The following LEMD1 variants were observed in gnomAD, a reference collection of about 807,000 sequenced individuals.
LEMD1 encodes LEM domain containing 1.
A neutral mutation model predicts 17.4 loss-of-function variants in LEMD1; 18 were observed. That is an observed-to-expected ratio of 1.04 (90% CI 0.72 to 1.54). The LOEUF is 1.54. Among genes scored for constraint, LEMD1 ranks in the 40% most tolerant of loss-of-function variants. LEMD1 has a pLI of 0.00. For synonymous variants in LEMD1, 88 were observed against 77.8 expected (o/e 1.13, Z -0.69); for missense variants, 195 against 210.4 (o/e 0.93, Z 0.45).
chr1:205,381,392 G>T lies in LEMD1; in HGVS notation c.*266C>A, dbSNP rs990162655. ...ACGCCAGACAGTTTCCTTGTTTGACGCCTGCTCAAATATGGAAGCACCTTT... is the reference window on the plus strand; with the variant it reads ...ACGCCAGACAGTTTCCTTGTTTGACTCCTGCTCAAATATGGAAGCACCTTT... On this transcript the variant is annotated 3_prime_UTR_variant, in exon 6 of 6. Transcript: ENST00000367153. 2.1e-6 allele frequency: 1 copy of T among 473,932 alleles called. No individual in the cohort carries two copies. The highest frequency in any genetic ancestry group is 1.9e-5 in the African/African-American group (1 of 51,816). The allele number at this position is 473,932 out of a possible 1,614,324, so 29.4% of individuals were successfully genotyped here.
At chr1:205,445,803 G>A (rs976903302) in intron 1 of LEMD1, among the ~76,000 whole-genome samples, 2 of 152,194 alleles carry the variant, frequency 1.3e-5, no homozygotes, top group South Asian at 2.1e-4. Flanking sequence ...GACTGTCAGC[G>A]CCAGAATGAA....
rs1575012361 is a variant in LEMD1, at chr1:205,448,176, G to A, written c.-39+1692C>T. 7 of 402,996 alleles carry A rather than the reference G, an allele frequency of 1.7e-5. No homozygotes were observed. The East Asian group carries it at 2.4e-4, about 14-fold the overall frequency. 25.0% of individuals were successfully genotyped at this position (402,996 alleles called of 1,614,324 possible). A position where few individuals can be genotyped will look rare whatever the true frequency, so the allele number is the denominator to read the frequency against. On this transcript the variant is annotated intron_variant, in intron 1 of 3. Transcript: ENST00000367154. The surrounding 1 kb of genome is among the most constrained non-coding windows in gnomAD (Gnocchi z 4.7). ...GGAAGTGACTGGGCCAAGGTCACAC[G>A]GCTTAGCCCCGATCCCAGGTTACCA... is the stretch of plus-strand genomic sequence containing the variant.
At position 205,416,423 on chromosome 1, in the gene LEMD1, C is replaced by T. The variant is rs1372072686; in HGVS notation, c.206-127G>A. The T allele has an allele frequency of 1.2e-5, 8 of 652,052 alleles. 1 individual carries two copies. The highest frequency in any genetic ancestry group is 5.6e-5 in the East Asian group (2 of 35,542). The allele number at this position is 652,052 out of a possible 1,614,324, so 40.4% of individuals were successfully genotyped here. A position where few individuals can be genotyped will look rare whatever the true frequency, so the allele number is the denominator to read the frequency against. Reference sequence around the variant, plus strand: ...ATTTTTGCAAGGGGATGAAAATTCACGTGGCTCTTCTGACGGAAGAGAACA... The same window carrying T: ...ATTTTTGCAAGGGGATGAAAATTCATGTGGCTCTTCTGACGGAAGAGAACA... On this transcript the variant is annotated intron_variant, in intron 3 of 5. Coordinates refer to ENST00000367153, the MANE Select transcript of LEMD1 (RefSeq NM_001199050.2).
At chr1:205,419,197 G>A in intron 3 of LEMD1, 33 bp downstream of exon 3, 1 of 1,608,768 alleles carries the variant, frequency 6.2e-7, no homozygotes, top group East Asian at 2.2e-5. Context: ...TAAGTGCAAA[G>A]TTGCCATCTA....
chr1:205,434,979 T>G (rs1289621342), intron 1 of LEMD1: 1 of 152,174 alleles, frequency 6.6e-6, no homozygotes, highest in Non-Finnish European at 1.5e-5. Flanking sequence ...TCCAGGTGCA[T>G]AGATTCGGGA....
chr1:205,391,331 AG>A (rs895336743), intron 4 of LEMD1, among the ~76,000 whole-genome samples: 3 of 152,020 alleles, frequency 2.0e-5, no homozygotes, highest in Non-Finnish European at 4.4e-5. Context: ...CTTGAGACTT[AG>A]GGAAGACAAG....
At chr1:205,440,788 G>C (rs2102464538) in intron 1 of LEMD1, 1 of 152,680 alleles carries the variant, frequency 6.5e-6, no homozygotes, top group South Asian at 2.1e-4. Flanking sequence ...CCTCGGGTGA[G>C]AGTCAGGCTG....
intron 4 of LEMD1, among the ~76,000 whole-genome samples, chr1:205,409,182 C>T (rs78538409): frequency 0.038 from 5,777 of 152,190 alleles, 192 homozygotes; most frequent in African/African-American, 0.089. Flanking sequence ...TCATTCAACA[C>T]GCAGGGCTTA....
intron 1 of LEMD1, chr1:205,435,547 A>T (rs940096462): frequency 1.3e-5 from 2 of 152,232 alleles, no homozygotes; most frequent in Non-Finnish European, 2.9e-5. Context: ...GGACAGAAGA[A>T]AGGGAAGTAC....
At chr1:205,408,007 G>A (rs532229181) in intron 4 of LEMD1, among the ~76,000 whole-genome samples, 3 of 152,262 alleles carry the variant, frequency 2.0e-5, no homozygotes, top group Middle Eastern at 3.4e-3. Context: ...ACTGTCAAGG[G>A]CAGGAATGAC....
chr1:205,393,149 C>A (rs1213001078), intron 4 of LEMD1, among the ~76,000 whole-genome samples: 1 of 151,808 alleles, frequency 6.6e-6, no homozygotes, highest in African/African-American at 2.4e-5. Flanking sequence ...AGAATTCTTA[C>A]AACTCAAAAA....
At chr1:205,393,051 C>T (rs990205595) in intron 4 of LEMD1, among the ~76,000 whole-genome samples, 1 of 151,982 alleles carries the variant, frequency 6.6e-6, no homozygotes, top group Non-Finnish European at 1.5e-5. Flanking sequence ...TGAAACTACC[C>T]TGGGCAACAT....
intron 1 of LEMD1, among the ~76,000 whole-genome samples, chr1:205,434,057 A>G: frequency 6.6e-6 from 1 of 151,842 alleles, no homozygotes; most frequent in Non-Finnish European, 1.5e-5. Context: ...CATACATGAT[A>G]TAATAATTCT....
chr1:205,411,560 A>G (rs527521391), intron 4 of LEMD1, among the ~76,000 whole-genome samples: 1 of 150,594 alleles, frequency 6.6e-6, no homozygotes, highest in African/African-American at 2.4e-5. Flanking sequence ...CGTCTCAAAA[A>G]AAAAAAAAAG....
intron 1 of LEMD1, chr1:205,436,260 T>C (rs946224638): frequency 1.3e-5 from 2 of 152,274 alleles, no homozygotes; most frequent in Non-Finnish European, 2.9e-5. Flanking sequence ...GCTCCTGAGC[T>C]GCCCAGGTCT....
At chr1:205,411,618 G>A (rs1444854243) in intron 4 of LEMD1, among the ~76,000 whole-genome samples, 2 of 143,602 alleles carry the variant, frequency 1.4e-5, no homozygotes, top group Non-Finnish European at 3.0e-5. Flanking sequence ...AGGAAAGAAG[G>A]AAAGAAGGAA....
At chr1:205,389,555 T>C (rs1158923750) in intron 4 of LEMD1, among the ~76,000 whole-genome samples, 1 of 152,198 alleles carries the variant, frequency 6.6e-6, no homozygotes, top group Non-Finnish European at 1.5e-5. Context: ...TTCTTTCTCT[T>C]ATTCTCCCAA....
At chr1:205,442,627 G>C (rs2102467106) in intron 1 of LEMD1, among the ~76,000 whole-genome samples, 1 of 152,304 alleles carries the variant, frequency 6.6e-6, no homozygotes, top group South Asian at 2.1e-4. Context: ...CCACTGGCCA[G>C]CTGGATGGGC....
chr1:205,430,241 G>C (rs1575003257), intron 1 of LEMD1, among the ~76,000 whole-genome samples: 1 of 152,188 alleles, frequency 6.6e-6, no homozygotes, highest in East Asian at 1.9e-4. Flanking sequence ...CTTCAGGCCC[G>C]CCCAAGCGCT....
Sources: allele counts gnomAD v4.1 joint callset (sites outside exome capture counted in the v4.1 genomes callset), GRCh38; gene constraint gnomAD v4.1.1; non-coding constraint Gnocchi (gnomAD v3.1); transcripts MANE v1.5; gene names NCBI Gene and HGNC (gene_info 2026-07-23, HGNC 2026-07-21).